UNC13B: variants seen among roughly 807,000 people sequenced by gnomAD.
UNC13B encodes the protein protein unc-13 homolog B.
Under a neutral mutation model 211.0 loss-of-function variants are expected in UNC13B, and 144 were observed. That is an observed-to-expected ratio of 0.68 (90% CI 0.60 to 0.78). The LOEUF is 0.78. Ranked by LOEUF, UNC13B falls within the 30% of genes least tolerant of loss-of-function variation. UNC13B has a pLI of 0.00. For missense variants in UNC13B, 1,777 were observed against 2,002.0 expected (o/e 0.89, Z 2.14); for synonymous variants, 709 against 725.8 (o/e 0.98, Z 0.37).
chr9:35,269,885 A>G (rs1003998130), intron 7 of UNC13B, among the ~76,000 whole-genome samples: 26 of 152,042 alleles, frequency 1.7e-4, no homozygotes, highest in Admixed American at 1.1e-3. Flanking sequence ...TAAAATGAGT[A>G]TCACTATGGA....
chr9:35,390,083 G>T, intron 25 of UNC13B, 110 bp downstream of exon 25: 1 of 1,536,158 alleles, frequency 6.5e-7, no homozygotes, highest in Non-Finnish European at 8.8e-7. Flanking sequence ...TCTTCTTCCT[G>T]TCCATCCATC....
At position 35,385,790 on chromosome 9, in the gene UNC13B, A is replaced by T. The variant is rs778011122; in HGVS notation, c.10942A>T (p.Ser3648Cys). ...AAAATCCACAGTGGATTTGCTGACC[A>T]GCATTACTTTCTTCAGAATGAAGGT... ...DLKSTVDLLT[S>C]ITFFRMKVQE... is the part of the protein sequence containing the mutation. Residue 3648 changes from serine to cysteine, a missense_variant, in exon 23 of 40, where the codon AGC (serine) becomes TGC (cysteine). Transcript: ENST00000635942. The T allele has an allele frequency of 4.4e-6, 7 of 1,608,920 alleles. No homozygotes were observed. Among genetic ancestry groups the T allele is most frequent in the Non-Finnish European group, 5.1e-6 (6 of 1,175,662 alleles).
At chr9:35,386,716 T>C (rs901701562) in intron 24 of UNC13B, among the ~76,000 whole-genome samples, 10 of 152,136 alleles carry the variant, frequency 6.6e-5, no homozygotes, top group African/African-American at 2.2e-4. Flanking sequence ...AGCTTTACTT[T>C]TCCCTCTAAT....
chr9:35,291,953 T>C (rs1227723386), intron 7 of UNC13B, among the ~76,000 whole-genome samples: 1 of 152,214 alleles, frequency 6.6e-6, no homozygotes, highest in Admixed American at 6.5e-5. Flanking sequence ...TTATTGGAAC[T>C]CTAAGCATGT....
intron 1 of UNC13B, among the ~76,000 whole-genome samples, chr9:35,190,264 G>A (rs1256651096): frequency 1.3e-5 from 2 of 152,162 alleles, no homozygotes; most frequent in Non-Finnish European, 1.5e-5. Context: ...TCAATAGGGG[G>A]TGGGGATGTT....
At chr9:35,328,965 G>T (rs1190175050) in intron 11 of UNC13B, among the ~76,000 whole-genome samples, 1 of 151,850 alleles carries the variant, frequency 6.6e-6, no homozygotes, top group Non-Finnish European at 1.5e-5. Context: ...TAGAGATGGG[G>T]TTTCACTGTG....
At chr9:35,336,334 A>C (rs940458368) in intron 11 of UNC13B, among the ~76,000 whole-genome samples, 55 of 150,262 alleles carry the variant, frequency 3.7e-4, no homozygotes, top group African/African-American at 1.3e-3. Flanking sequence ...AAAATCTAAC[A>C]CTCCTCTCCC....
At chr9:35,375,930 A>G in intron 14 of UNC13B, 98 bp from the exon 15 acceptor site, 1 of 1,246,362 alleles carries the variant, frequency 8.0e-7, no homozygotes, top group South Asian at 1.3e-5. Context: ...CAATGAGCCG[A>G]GATCATACCA....
chr9:35,381,745 A>G (rs533414449), intron 20 of UNC13B, 26 bp downstream of exon 20: 2 of 1,608,762 alleles, frequency 1.2e-6, no homozygotes, highest in South Asian at 1.1e-5. Context: ...GGCACCGGGA[A>G]GTGGCTACTA....
At chr9:35,329,791 A>C (rs1459668482) in intron 11 of UNC13B, among the ~76,000 whole-genome samples, 1 of 152,158 alleles carries the variant, frequency 6.6e-6, no homozygotes, top group African/African-American at 2.4e-5. Context: ...AATAAATTTT[A>C]GTTGGTTAAG....
chr9:35,259,763 A>ATGTG (rs1491328929), intron 7 of UNC13B, among the ~76,000 whole-genome samples: 4 of 88,248 alleles, frequency 4.5e-5, no homozygotes, highest in African/African-American at 1.9e-4. Context: ...TCAACCTGTG[A>ATGTG]TATGTGTGTG....
intron 8 of UNC13B, among the ~76,000 whole-genome samples, chr9:35,296,537 A>T (rs1829367671): frequency 6.6e-6 from 1 of 152,178 alleles, no homozygotes; most frequent in African/African-American, 2.4e-5. Flanking sequence ...ATCCTTCCAT[A>T]GACTGTTGTC....
chr9:35,252,099 T>C (rs1826528104), intron 6 of UNC13B, among the ~76,000 whole-genome samples: 1 of 152,224 alleles, frequency 6.6e-6, no homozygotes, highest in Non-Finnish European at 1.5e-5. Flanking sequence ...TTTACCATGT[T>C]CCTTTATCTC....
chr9:35,351,946 G>A (rs1171609354), intron 11 of UNC13B: 7 of 1,232,084 alleles, frequency 5.7e-6, no homozygotes, highest in African/African-American at 1.6e-5. Flanking sequence ...AACCTTTGGG[G>A]GATGTAGTAG....
intron 10 of UNC13B, among the ~76,000 whole-genome samples, chr9:35,311,084 C>A (rs1830160253): frequency 6.6e-6 from 1 of 152,190 alleles, no homozygotes; most frequent in East Asian, 1.9e-4. Flanking sequence ...AAGCAATTCT[C>A]CCACCTCAGC....
intron 11 of UNC13B, among the ~76,000 whole-genome samples, chr9:35,331,928 A>G (rs971026394): frequency 2.6e-5 from 4 of 151,912 alleles, no homozygotes; most frequent in Non-Finnish European, 4.4e-5. Flanking sequence ...CAACTACTCT[A>G]TGGAAGGTAA....
At chr9:35,344,684 A>G (rs766543052) in intron 11 of UNC13B, among the ~76,000 whole-genome samples, 2 of 152,180 alleles carry the variant, frequency 1.3e-5, no homozygotes, top group African/African-American at 2.4e-5. Context: ...TTCTAGGTCA[A>G]GGGTAGTAGG....
intron 11 of UNC13B, among the ~76,000 whole-genome samples, chr9:35,345,211 C>T (rs540552244): frequency 3.5e-4 from 53 of 152,156 alleles, no homozygotes; most frequent in African/African-American, 9.4e-4. Context: ...ATTATTTTGA[C>T]ACTTGTTAAA....
chr9:35,349,370 G>A (rs1431878177), intron 11 of UNC13B, among the ~76,000 whole-genome samples: 2 of 150,426 alleles, frequency 1.3e-5, no homozygotes, highest in African/African-American at 4.9e-5. Flanking sequence ...AAAAAAAGGA[G>A]TATCTTTGGA....
Sources: gnomAD v4.1 joint callset for allele counts (sites outside exome capture counted in the v4.1 genomes callset) on GRCh38, gnomAD v4.1.1 for gene constraint, MANE v1.5 for transcripts, NCBI Gene and HGNC (gene_info 2026-07-23, HGNC 2026-07-21) for gene names.